TUT7: variants seen among roughly 807,000 people sequenced by gnomAD.
The protein encoded by TUT7 is terminal uridylyltransferase 7.
TUT7 carries 33 observed loss-of-function variants against 165.9 expected under a neutral mutation model. That is an observed-to-expected ratio of 0.20 (90% CI 0.15 to 0.27). TUT7 has a LOEUF of 0.27. Among genes scored for constraint, TUT7 ranks in the 10% least tolerant of loss-of-function variants. The probability of loss-of-function intolerance (pLI) is 1.00; values close to 1 mark genes in which losing one functional copy is unlikely to be tolerated. For synonymous variants in TUT7, 552 were observed against 608.1 expected (o/e 0.91, Z 1.36); for missense variants, 1,338 against 1,762.3 (o/e 0.76, Z 4.31).
At chr9:86,322,188 C>G (rs775009818) in intron 14 of TUT7, 137 bp downstream of exon 14, 41 of 726,720 alleles carry the variant, frequency 5.6e-5, no homozygotes, top group Non-Finnish European at 8.8e-5. Context: ...ACATGGAACG[C>G]TTGAGGATAC....
chr9:86,318,149 T>A (rs1474954470), intron 16 of TUT7, among the ~76,000 whole-genome samples: 1 of 152,242 alleles, frequency 6.6e-6, no homozygotes, highest in Non-Finnish European at 1.5e-5. Flanking sequence ...GCATTTGGAC[T>A]GCTGTTAAGG....
At chr9:86,303,594 C>A (rs1222401620) in intron 24 of TUT7, among the ~76,000 whole-genome samples, 1 of 152,058 alleles carries the variant, frequency 6.6e-6, no homozygotes, top group African/African-American at 2.4e-5. Context: ...TTGCATCATA[C>A]AGATTATATT....
intron 10 of TUT7, among the ~76,000 whole-genome samples, chr9:86,332,983 T>C (rs1830454445): frequency 6.6e-6 from 1 of 152,190 alleles, no homozygotes; most frequent in East Asian, 1.9e-4. Flanking sequence ...TGGGTCATCT[T>C]GGAGTTTGCC....
intron 24 of TUT7, 148 bp downstream of exon 24, chr9:86,304,708 G>C: frequency 2.0e-6 from 1 of 510,778 alleles, no homozygotes; most frequent in South Asian, 3.5e-5. Flanking sequence ...TAAGAAAAAG[G>C]GGGGCTCTGG....
At position 86,309,594 on chromosome 9, in the gene TUT7, C is replaced by A; in HGVS notation, c.3469-18G>T. ...TCACACATCTAGACAGAAGGAAAAC[C>A]AAGAACAAAGGAAAGGTCTGTTTTC... On this transcript the variant is annotated intron_variant, in intron 19 of 26. Coordinates refer to ENST00000375963, the MANE Select transcript of TUT7 (RefSeq NM_024617.4). 6.3e-7 allele frequency: 1 copy of A among 1,579,678 alleles called. No homozygotes were observed. The highest frequency in any genetic ancestry group is 1.1e-5 in the South Asian group (1 of 88,130).
intron 21 of TUT7, 86 bp from the exon 22 acceptor site, chr9:86,308,692 G>GAAATAAATCCA: frequency 8.5e-7 from 1 of 1,176,588 alleles, no homozygotes; most frequent in Non-Finnish European, 1.2e-6. Flanking sequence ...GAGTAAATTT[G>GAAATAAATCCA]GATTTATTTC....
intron 10 of TUT7, among the ~76,000 whole-genome samples, chr9:86,332,011 C>A (rs548377766): frequency 2.0e-5 from 3 of 152,262 alleles, no homozygotes; most frequent in African/African-American, 7.2e-5. Context: ...AGCTCAACAT[C>A]ACCAATCATT....
At chr9:86,292,188 C>T (rs898615391) in intron 26 of TUT7, among the ~76,000 whole-genome samples, 14 of 152,182 alleles carry the variant, frequency 9.2e-5, no homozygotes, top group Non-Finnish European at 1.2e-4. Flanking sequence ...AGACTGCATG[C>T]CCGTGCCACC....
chr9:86,316,078 G>A (rs562031107), intron 17 of TUT7, among the ~76,000 whole-genome samples: 2 of 152,272 alleles, frequency 1.3e-5, no homozygotes, highest in Non-Finnish European at 2.9e-5. Context: ...AAGTTCCTGA[G>A]GATAGGGGCC....
chr9:86,348,510 T>C (rs1054887700), intron 2 of TUT7, among the ~76,000 whole-genome samples: 1 of 152,038 alleles, frequency 6.6e-6, no homozygotes, highest in Non-Finnish European at 1.5e-5. Flanking sequence ...CCCAGCACTT[T>C]GGGAGGGTAA....
chr9:86,319,462 C>G, intron 15 of TUT7, 122 bp downstream of exon 15: 2 of 704,256 alleles, frequency 2.8e-6, no homozygotes, highest in South Asian at 4.0e-5. Context: ...CAAGGACCAT[C>G]CTGGGTATAT....
intron 2 of TUT7, among the ~76,000 whole-genome samples, chr9:86,351,722 A>G (rs1345193521): frequency 6.6e-6 from 1 of 152,220 alleles, no homozygotes; most frequent in Non-Finnish European, 1.5e-5. Flanking sequence ...AAGTGTCCAT[A>G]TTCCCTGAAT....
At chr9:86,331,045 A>C (rs1030298913) in intron 10 of TUT7, among the ~76,000 whole-genome samples, 14 of 151,870 alleles carry the variant, frequency 9.2e-5, no homozygotes, top group African/African-American at 3.1e-4. Context: ...ATGCCAAACT[A>C]TCTTACATTT....
At position 86,338,900 on chromosome 9, in the gene TUT7, T is replaced by C. The variant is rs747853622; in HGVS notation, c.1258A>G (p.Thr420Ala). 2.5e-6 allele frequency: 4 copies of C among 1,612,136 alleles called. No homozygotes were observed. The South Asian group carries it at 4.4e-5, about 18-fold the overall frequency. Residue 420 changes from threonine to alanine, a missense_variant, in exon 9 of 27, where the codon ACA (threonine) becomes GCA (alanine). Thr to Ala is a moderately conservative substitution (Grantham distance 58, BLOSUM62 0). This residue lies in a region of TUT7 where 74 missense variants were observed against 128.5 expected (regional missense o/e 0.58). Coordinates refer to ENST00000375963, the MANE Select transcript of TUT7 (RefSeq NM_024617.4). ...TTTCCAAGGGCAGTTAAATGCTTTG[T>C]TGTCAGACAAGCATTTTCATTTCCT... Reference protein sequence around the residue: ...SAGNENACLTTKHLTALGKLE... With the variant: ...SAGNENACLTAKHLTALGKLE...
At chr9:86,297,160 A>G (rs1020265366) in intron 26 of TUT7, among the ~76,000 whole-genome samples, 1 of 152,200 alleles carries the variant, frequency 6.6e-6, no homozygotes, top group Non-Finnish European at 1.5e-5. Context: ...CCTAGCATCT[A>G]TATTTCTCTC....
intron 24 of TUT7, 146 bp downstream of exon 24, chr9:86,304,710 G>T: frequency 2.0e-6 from 1 of 512,764 alleles, no homozygotes. Context: ...AGAAAAAGGG[G>T]GGCTCTGGGA....
chr9:86,309,255 A>T lies in TUT7; in HGVS notation c.3617T>A (p.Val1206Asp). 1 of 1,574,810 alleles carries T rather than the reference A, an allele frequency of 6.3e-7. No individual in the cohort carries two copies. The highest frequency in any genetic ancestry group is 1.4e-5 in the African/African-American group (1 of 73,966). ...AAAAAAATAAATATTCCAGCCATCA[A>T]CAAATATTTCAGGTTTCTTTTCACC... is the stretch of plus-strand genomic sequence containing the variant. ...YKGEKKPEIF[V>D]DGWNIYFFDQ... The change falls in exon 21 of 27, where the codon GTT (valine) becomes GAT (aspartate). Residue 1206 changes from valine (V) to aspartate (D), a missense_variant. Val to Asp is a radical substitution (Grantham distance 152, BLOSUM62 -3). This residue lies in a region of TUT7 where 157 missense variants were observed against 357.5 expected (regional missense o/e 0.44). Transcript: ENST00000375963.
At chr9:86,343,719 C>CA (rs1353051910) in intron 5 of TUT7, among the ~76,000 whole-genome samples, 4 of 152,088 alleles carry the variant, frequency 2.6e-5, no homozygotes, top group Non-Finnish European at 4.4e-5. Flanking sequence ...TTTGCTGTAA[C>CA]AAAATCCCAA....
rs751104437 is a variant in TUT7 at position 86,309,925 on chromosome 9, C to T, written c.3468+3G>A. On this transcript the variant is annotated splice_donor_region_variant and intron_variant, in intron 19 of 26. Transcript: ENST00000375963. ...GATAAGTCACAATAGGAAGCATACT[C>T]ACCTTTGTAAATACTTTCATGGTAT... 3.7e-6 allele frequency: 6 copies of T among 1,611,668 alleles called. No individual in the cohort carries two copies. The South Asian group carries it at 6.6e-5, about 18-fold the overall frequency.
Sources: gnomAD v4.1 joint callset for allele counts (sites outside exome capture counted in the v4.1 genomes callset) on GRCh38, gnomAD v4.1.1 for gene constraint, gnomAD v4.1.1 regional missense constraint, MANE v1.5 for transcripts, NCBI Gene and HGNC (gene_info 2026-07-23, HGNC 2026-07-21) for gene names.